The following DAB1 variants were observed in gnomAD, a reference collection of about 807,000 sequenced individuals.
DAB1 encodes the protein disabled homolog 1.
DAB1 carries 15 observed loss-of-function variants against 64.6 expected under a neutral mutation model. The observed-to-expected ratio is 0.23, with a 90% CI of 0.16 to 0.36. The LOEUF (loss-of-function observed/expected upper bound fraction) is 0.36, where lower values mean the gene tolerates loss of function less well. DAB1 is among the 10% of genes least tolerant of loss of function. The probability of loss-of-function intolerance (pLI) is 1.00; values close to 1 mark genes in which losing one functional copy is unlikely to be tolerated. For synonymous variants in DAB1, 235 were observed against 251.9 expected, an observed-to-expected ratio of 0.93 and a Z score of 0.64; for missense variants, 596 against 706.7, an observed-to-expected ratio of 0.84 and a Z score of 1.78.
chr1:57,885,628 T>G (rs1272245568), upstream of DAB1, among the ~76,000 whole-genome samples: 2 of 152,232 alleles, frequency 1.3e-5, no homozygotes, highest in Non-Finnish European at 2.9e-5. Flanking sequence ...AAATATGTTC[T>G]TACTTTTTTT....
intron 2 of DAB1, among the ~76,000 whole-genome samples, chr1:57,260,782 C>G (rs115914270): frequency 1.3e-5 from 2 of 152,164 alleles, no homozygotes; most frequent in African/African-American, 2.4e-5. Flanking sequence ...TACCTTCCCC[C>G]ATCACTGCAT....
intron 5 of DAB1, among the ~76,000 whole-genome samples, chr1:57,946,352 C>A (rs113529118): frequency 4.5e-4 from 69 of 152,292 alleles, no homozygotes; most frequent in Middle Eastern, 3.4e-3. Flanking sequence ...AATCTAATAG[C>A]AAGTCATGGT....
At chr1:57,484,634 A>G (rs1241780311) in intron 7 of DAB1, among the ~76,000 whole-genome samples, 1 of 152,152 alleles carries the variant, frequency 6.6e-6, no homozygotes, top group African/African-American at 2.4e-5. Flanking sequence ...GATGTGGAGG[A>G]GGCAGTCTGG....
At chr1:57,449,303 G>A (rs1686262306) in intron 7 of DAB1, among the ~76,000 whole-genome samples, 1 of 151,638 alleles carries the variant, frequency 6.6e-6, no homozygotes, top group African/African-American at 2.4e-5. Context: ...AACTCTGGGT[G>A]TGTTGCCTTA....
At chr1:58,017,364 C>A (rs1037183882) in intron 5 of DAB1, among the ~76,000 whole-genome samples, 1 of 152,168 alleles carries the variant, frequency 6.6e-6, no homozygotes, top group Non-Finnish European at 1.5e-5. Context: ...CCAGGCAGGG[C>A]TTTCTCACAG....
chr1:58,286,463 TAA>T (rs1661684986), intron 4 of DAB1, among the ~76,000 whole-genome samples: 1 of 151,830 alleles, frequency 6.6e-6, no homozygotes, highest in South Asian at 2.1e-4. Flanking sequence ...TGAACGTAAA[TAA>T]ATTTACAAGA....
rs552364890 is a variant in DAB1 at position 58,246,544 on chromosome 1, T to A, written n.310-95956A>T. 1.6e-3 allele frequency among the ~76,000 whole-genome samples: 251 copies of A among 152,348 alleles called. 1 individual carries two copies. The highest frequency in any genetic ancestry group is 3.2e-3 in the Non-Finnish European group (221 of 68,034). On this transcript the variant is annotated intron_variant and non_coding_transcript_variant, in intron 4 of 20. Transcript: ENST00000485760. ...AAAGGTATGAAAAGCATATGTGATA[T>A]GTATTTCATATGTGGTATGGGTTTG...
chr1:57,657,148 A>G (rs935226653), intron 6 of DAB1, among the ~76,000 whole-genome samples: 1 of 152,112 alleles, frequency 6.6e-6, no homozygotes, highest in African/African-American at 2.4e-5. Flanking sequence ...TAAGACCACA[A>G]ATCTCAATTC....
intron 1 of DAB1, among the ~76,000 whole-genome samples, chr1:57,363,726 C>T (rs767443710): frequency 1.2e-4 from 18 of 152,058 alleles, no homozygotes; most frequent in African/African-American, 2.9e-4. Context: ...AATGCTGAGA[C>T]GCCTCATGAA....
intron 3 of DAB1, among the ~76,000 whole-genome samples, chr1:58,358,677 C>A (rs562677759): frequency 3.2e-4 from 49 of 152,178 alleles, no homozygotes; most frequent in Non-Finnish European, 6.3e-4. Flanking sequence ...GCAATCAGAG[C>A]TGCCAGCCTC....
At chr1:57,804,519 C>G (rs1651274787) in intron 6 of DAB1, among the ~76,000 whole-genome samples, 1 of 152,188 alleles carries the variant, frequency 6.6e-6, no homozygotes, top group Non-Finnish European at 1.5e-5. Flanking sequence ...TTTGCAGATA[C>G]GTGATTTCCC....
At chr1:57,427,018 C>T (rs1481332682), upstream of DAB1, among the ~76,000 whole-genome samples, 1 of 151,636 alleles carries the variant, frequency 6.6e-6, no homozygotes, top group African/African-American at 2.4e-5. Flanking sequence ...AGCCCGCCAC[C>T]GCTCCCGGCT....
intron 5 of DAB1, among the ~76,000 whole-genome samples, chr1:58,065,499 A>AG (rs1648800345): frequency 6.6e-6 from 1 of 152,190 alleles, no homozygotes; most frequent in South Asian, 2.1e-4. Flanking sequence ...ACTGGGTGTG[A>AG]GGGGAAACAA....
chr1:57,277,763 C>T (rs1570140103), intron 2 of DAB1, among the ~76,000 whole-genome samples: 1 of 152,132 alleles, frequency 6.6e-6, no homozygotes, highest in East Asian at 1.9e-4. Flanking sequence ...ATTCTCCTTC[C>T]CGTGCACATT....
chr1:56,998,610 C>T (rs1645724512), intron 14 of DAB1, among the ~76,000 whole-genome samples: 2 of 152,212 alleles, frequency 1.3e-5, no homozygotes, highest in South Asian at 4.1e-4. Context: ...AACACAGTTT[C>T]ATAAATGTCC....
At chr1:57,680,762 T>A (rs1646626817) in intron 6 of DAB1, among the ~76,000 whole-genome samples, 1 of 152,224 alleles carries the variant, frequency 6.6e-6, no homozygotes, top group South Asian at 2.1e-4. Flanking sequence ...CCAACTAGAA[T>A]GATGTCTAAG....
At chr1:57,000,066 T>A (rs1162782420) in intron 14 of DAB1, among the ~76,000 whole-genome samples, 1 of 137,230 alleles carries the variant, frequency 7.3e-6, no homozygotes, top group East Asian at 2.2e-4. Flanking sequence ...TTTTTTGAGA[T>A]GGAGTCTCAC....
intron 5 of DAB1, among the ~76,000 whole-genome samples, chr1:58,031,332 A>C (rs150816096): frequency 7.4e-4 from 112 of 152,308 alleles, no homozygotes; most frequent in African/African-American, 2.6e-3. Context: ...TGCGTTCTTC[A>C]GTAGATGAAG....
chr1:57,377,310 A>G (rs1313574454), intron 1 of DAB1, among the ~76,000 whole-genome samples: 1 of 151,890 alleles, frequency 6.6e-6, no homozygotes, highest in Non-Finnish European at 1.5e-5. Flanking sequence ...GGCCACTGAT[A>G]AGGAGTCTAT....
Sources: allele counts gnomAD v4.1 joint callset (sites outside exome capture counted in the v4.1 genomes callset), GRCh38; gene constraint gnomAD v4.1.1; transcripts MANE v1.5; gene names NCBI Gene and HGNC (gene_info 2026-07-23, HGNC 2026-07-21).